The following LHFPL3 variants were observed in gnomAD, a reference collection of about 807,000 sequenced individuals.
LHFPL3 encodes LHFPL tetraspan subfamily member 3.
In LHFPL3, 5 loss-of-function variants were observed where a neutral mutation model predicts 19.3. That is an observed-to-expected ratio of 0.26 (90% confidence interval 0.14 to 0.54). LHFPL3 has a LOEUF of 0.54. LHFPL3 is among the 20% of genes least tolerant of loss of function. LHFPL3 has a pLI of 0.94. For synonymous variants in LHFPL3, 133 were observed against 126.2 expected, an observed-to-expected ratio of 1.05 and a Z score of -0.36; for missense variants, 249 against 307.4, an observed-to-expected ratio of 0.81 and a Z score of 1.42.
intron 1 of LHFPL3, among the ~76,000 whole-genome samples, chr7:104,729,243 C>T (rs1296278102): frequency 6.6e-6 from 1 of 152,052 alleles, no homozygotes; most frequent in African/African-American, 2.4e-5. Flanking sequence ...TTTATTGACT[C>T]ATAATAATCT....
At chr7:104,872,893 A>G (rs1161278194) in intron 2 of LHFPL3, among the ~76,000 whole-genome samples, 2 of 152,200 alleles carry the variant, frequency 1.3e-5, no homozygotes, top group African/African-American at 4.8e-5. Context: ...CAGTAACACA[A>G]TCGTTTACTA....
chr7:104,859,423 C>A (rs1381663548), intron 2 of LHFPL3, among the ~76,000 whole-genome samples: 1 of 151,836 alleles, frequency 6.6e-6, no homozygotes, highest in Non-Finnish European at 1.5e-5. Flanking sequence ...AATCCCAGAA[C>A]TTTGGGAGGC....
At position 104,889,452 on chromosome 7, in the gene LHFPL3, C is replaced by T. The variant is rs1025026061; in HGVS notation, c.683-16735C>T. On this transcript the variant is annotated intron_variant, in intron 2 of 2. Transcript: ENST00000424859. ...GTCAGGAGTTCAAAACCAGCCTGGC[C>T]AACAAGGTGAAACCCCAGCTCTACT... 4.5e-4 allele frequency among the ~76,000 whole-genome samples: 68 copies of T among 152,010 alleles called. 1 individual carries two copies. The highest frequency in any genetic ancestry group is 3.3e-4 in the Admixed American group (5 of 15,262).
intron 1 of LHFPL3, among the ~76,000 whole-genome samples, chr7:104,333,262 T>C (rs902819103): frequency 6.6e-6 from 1 of 152,232 alleles, no homozygotes; most frequent in Non-Finnish European, 1.5e-5. Context: ...AAGAAATCTT[T>C]AGTTTTCTTT....
intron 1 of LHFPL3, among the ~76,000 whole-genome samples, chr7:104,459,780 A>G (rs1274001658): frequency 6.6e-6 from 1 of 152,118 alleles, no homozygotes; most frequent in Non-Finnish European, 1.5e-5. Flanking sequence ...TTTTTTATGC[A>G]TTTGATTTTC....
At chr7:104,832,566 T>C (rs2116561845) in intron 2 of LHFPL3, among the ~76,000 whole-genome samples, 1 of 151,878 alleles carries the variant, frequency 6.6e-6, no homozygotes, top group South Asian at 2.1e-4. Context: ...AAATAGCTCT[T>C]TCCCTGCCAG....
intron 1 of LHFPL3, among the ~76,000 whole-genome samples, chr7:104,366,133 G>A (rs1369256926): frequency 6.6e-6 from 1 of 152,206 alleles, no homozygotes; most frequent in Non-Finnish European, 1.5e-5. Flanking sequence ...TGAGAGCAGA[G>A]AGCGTTCTTT....
intron 1 of LHFPL3, among the ~76,000 whole-genome samples, chr7:104,369,077 C>T (rs1407099521): frequency 5.9e-5 from 9 of 152,136 alleles, no homozygotes; most frequent in Admixed American, 5.9e-4. Flanking sequence ...TTTATATACT[C>T]AAAAATTTGT....
At chr7:104,758,197 G>A (rs933176308) in intron 2 of LHFPL3, among the ~76,000 whole-genome samples, 1 of 152,132 alleles carries the variant, frequency 6.6e-6, no homozygotes, top group African/African-American at 2.4e-5. Flanking sequence ...TCCTGGAGGA[G>A]GGAAAGAAGT....
chr7:104,441,182 C>A (rs568271195), intron 1 of LHFPL3, among the ~76,000 whole-genome samples: 2 of 152,252 alleles, frequency 1.3e-5, no homozygotes, highest in East Asian at 1.9e-4. Flanking sequence ...GCCCGTTGAA[C>A]AACTCCTCTC....
chr7:104,773,987 G>T (rs550748322), intron 2 of LHFPL3, among the ~76,000 whole-genome samples: 1 of 152,340 alleles, frequency 6.6e-6, no homozygotes, highest in South Asian at 2.1e-4. Flanking sequence ...ACAAAGGGTA[G>T]GACAACTTCC....
intron 1 of LHFPL3, among the ~76,000 whole-genome samples, chr7:104,704,141 AT>A (rs1201317361): frequency 2.6e-5 from 4 of 152,184 alleles, no homozygotes; most frequent in Non-Finnish European, 2.9e-5. Context: ...TATTAATATC[AT>A]CTTGTAATTT....
intron 2 of LHFPL3, chr7:104,739,125 T>C (rs1793884020): frequency 6.6e-6 from 1 of 152,174 alleles, no homozygotes; most frequent in African/African-American, 2.4e-5. Context: ...AGCTCTATTG[T>C]AGGGAATATC....
At chr7:104,507,904 A>G (rs41050) in intron 1 of LHFPL3, among the ~76,000 whole-genome samples, 12,133 of 103,402 alleles carry the variant, frequency 0.12, 675 homozygotes, top group East Asian at 0.17. Context: ...CAAAACCACA[A>G]TGAGATACCA....
intron 1 of LHFPL3, among the ~76,000 whole-genome samples, chr7:104,461,561 A>G (rs79880085): frequency 3.9e-5 from 6 of 152,162 alleles, no homozygotes; most frequent in Non-Finnish European, 8.8e-5. Flanking sequence ...CCATTGGTCT[A>G]TGTGTGTGTT....
At chr7:104,439,603 A>T in intron 1 of LHFPL3, among the ~76,000 whole-genome samples, 1 of 152,176 alleles carries the variant, frequency 6.6e-6, no homozygotes, top group Non-Finnish European at 1.5e-5. Context: ...CTCTTTCTGT[A>T]TTGATGCAGA....
chr7:104,469,416 T>C (rs1792860898), intron 1 of LHFPL3, among the ~76,000 whole-genome samples: 1 of 152,240 alleles, frequency 6.6e-6, no homozygotes, highest in African/African-American at 2.4e-5. Flanking sequence ...TAGTTGGGAA[T>C]GGTGTCAAAC....
intron 1 of LHFPL3, among the ~76,000 whole-genome samples, chr7:104,704,789 C>T (rs138321262): frequency 6.6e-6 from 1 of 152,130 alleles, no homozygotes; most frequent in Admixed American, 6.5e-5. Context: ...GCATGCACCA[C>T]CATGCTCAGC....
At position 104,391,700 on chromosome 7, in the gene LHFPL3, A is replaced by C. The variant is rs545397143; in HGVS notation, c.445+62476A>C. 3.9e-5 allele frequency among the ~76,000 whole-genome samples: 6 copies of C among 152,278 alleles called. No homozygotes were observed. In the East Asian group the frequency reaches 7.7e-4, roughly 20 times the overall value. ...TTTGGTTCTATATGAACTTTAAAGT[A>C]GTTTTTTCCAATTCTGTGAAGAAAG... On this transcript the variant is annotated intron_variant, in intron 1 of 2. Coordinates refer to ENST00000424859, the MANE Select transcript of LHFPL3 (RefSeq NM_199000.3).
Sources: allele counts gnomAD v4.1 joint callset (sites outside exome capture counted in the v4.1 genomes callset), GRCh38; gene constraint gnomAD v4.1.1; transcripts MANE v1.5; gene names NCBI Gene and HGNC (gene_info 2026-07-23, HGNC 2026-07-21).